CTPS2: variants seen among roughly 807,000 people sequenced by gnomAD.
CTPS2 encodes the protein CTP synthase II.
CTPS2 carries 19 observed loss-of-function variants against 46.8 expected under a neutral mutation model. The ratio of observed to expected loss-of-function variants is 0.41; its 90% CI spans 0.28 to 0.60. CTPS2 has a LOEUF of 0.60. Among genes scored for constraint, CTPS2 ranks in the 20% least tolerant of loss-of-function variants. The pLI, the probability that CTPS2 is intolerant of heterozygous loss-of-function variation, is 0.35. For synonymous variants in CTPS2, 151 were observed against 165.2 expected (o/e 0.91, Z 0.66); for missense variants, 286 against 447.6 (o/e 0.64, Z 3.26).
At chrX:16,641,218 C>T (rs1932063341) in intron 13 of CTPS2, among the ~76,000 whole-genome samples, 1 of 111,901 alleles carries the variant, frequency 8.9e-6, no homozygotes, top group South Asian at 3.7e-4. Context: ...TATTCAGAGC[C>T]TCAACTTCCA....
At chrX:16,661,768 T>C (rs1932960547) in intron 13 of CTPS2, among the ~76,000 whole-genome samples, 1 of 111,284 alleles carries the variant, frequency 9.0e-6, no homozygotes, top group African/African-American at 3.3e-5. Context: ...TCCATTTGCA[T>C]CTCGTTAAAA....
chrX:16,661,785 G>A (rs1050981966), intron 13 of CTPS2, among the ~76,000 whole-genome samples: 2 of 111,019 alleles, frequency 1.8e-5, no homozygotes. Context: ...AAAATGCTTT[G>A]AATTTCTCCC....
chrX:16,676,002 T>C (rs1197231476), intron 10 of CTPS2, among the ~76,000 whole-genome samples: 2 of 112,661 alleles, frequency 1.8e-5, no homozygotes, highest in Non-Finnish European at 3.7e-5. Flanking sequence ...GAGTAAAGTA[T>C]ACTCCTGTGA....
intron 16 of CTPS2, among the ~76,000 whole-genome samples, chrX:16,611,470 C>CA (rs1187358158): frequency 2.2e-5 from 2 of 90,892 alleles, no homozygotes; most frequent in African/African-American, 8.3e-5. Flanking sequence ...AACAAACAAA[C>CA]AAAAAAAACT....
At chrX:16,638,144 A>G (rs1014137218) in intron 14 of CTPS2, among the ~76,000 whole-genome samples, 4 of 108,459 alleles carry the variant, frequency 3.7e-5, no homozygotes, top group Non-Finnish European at 7.6e-5. Context: ...AGTCCCAGCT[A>G]CTCGGGAGGC....
In CTPS2 at chrX:16,656,615, C is replaced by T. The variant is rs145746309; in HGVS notation, c.1296+10899G>A. On this transcript the variant is annotated intron_variant, in intron 13 of 18. Transcript: ENST00000359276. ...GTTTTTAGTAGAGACAGGGTTTCAC[C>T]GTGTTAGCCAGGATGGTCTCGATCT... Among the ~76,000 whole-genome samples the T allele has an allele frequency of 3.9e-4, 43 of 111,339 alleles. No individual in the cohort carries two copies. In the East Asian group the frequency reaches 0.01, roughly 26 times the overall value.
chrX:16,608,225 T>C (rs976790501), intron 17 of CTPS2, among the ~76,000 whole-genome samples: 1 of 110,066 alleles, frequency 9.1e-6, no homozygotes. Context: ...AATAAATAAA[T>C]AAATTAATTT....
At position 16,651,210 on chromosome X, in the gene CTPS2, A is replaced by G. The variant is rs1192686959; in HGVS notation, c.1297-11967T>C. On this transcript the variant is annotated intron_variant, in intron 13 of 18. Transcript: ENST00000359276. The stretch of plus-strand genomic sequence containing the variant: ...GGAGGGGAGGGAGGGAGGGGAGAGG[A>G]CTCCGGTAGAGCCTTATAGGGACCG... The G allele has an allele frequency of 4.1e-6, 4 of 986,346 alleles. No individual in the cohort carries two copies. In the East Asian group the frequency reaches 1.2e-4, roughly 31 times the overall value. 81.3% of individuals were successfully genotyped at this position (986,346 alleles called of 1,213,427 possible).
intron 8 of CTPS2, among the ~76,000 whole-genome samples, chrX:16,683,473 C>G (rs1367252621): frequency 1.8e-5 from 2 of 110,789 alleles, no homozygotes; most frequent in Non-Finnish European, 3.8e-5. Context: ...GTGGGGCATG[C>G]CTACAATCCC....
At chrX:16,605,582 C>T (rs1374416271) in intron 17 of CTPS2, among the ~76,000 whole-genome samples, 3 of 111,468 alleles carry the variant, frequency 2.7e-5, no homozygotes, top group Non-Finnish European at 5.6e-5. Flanking sequence ...ATTAGCTGGG[C>T]ATGGTGGCGG....
At chrX:16,598,336 G>A (rs775807818) in intron 17 of CTPS2, among the ~76,000 whole-genome samples, 1 of 111,262 alleles carries the variant, frequency 9.0e-6, no homozygotes, top group Admixed American at 9.6e-5. Context: ...AAAAAAGAGA[G>A]AAGAATCAAA....
chrX:16,638,064 G>T (rs1931848348), intron 14 of CTPS2, among the ~76,000 whole-genome samples: 1 of 110,160 alleles, frequency 9.1e-6, no homozygotes, highest in Non-Finnish European at 1.9e-5. Context: ...GACCATCCTG[G>T]CTAACACTGT....
intron 4 of CTPS2, among the ~76,000 whole-genome samples, chrX:16,696,355 G>A (rs1924119838): frequency 9.0e-6 from 1 of 111,650 alleles, no homozygotes; most frequent in African/African-American, 3.3e-5. Flanking sequence ...GGGTTATAAC[G>A]GAGAAGGGGT....
intron 14 of CTPS2, among the ~76,000 whole-genome samples, chrX:16,626,001 T>G (rs1426922264): frequency 1.8e-5 from 2 of 111,129 alleles, no homozygotes; most frequent in East Asian, 5.6e-4. Flanking sequence ...GGCTTGAGGG[T>G]CGGGCCTTTG....
chrX:16,680,905 G>A (rs939109756), intron 9 of CTPS2, among the ~76,000 whole-genome samples: 4 of 110,640 alleles, frequency 3.6e-5, no homozygotes, highest in Non-Finnish European at 7.6e-5. Flanking sequence ...TAAAAAATAG[G>A]CCAGGCACGA....
intron 13 of CTPS2, among the ~76,000 whole-genome samples, chrX:16,651,684 G>A (rs896822986): frequency 1.8e-5 from 2 of 112,164 alleles, no homozygotes; most frequent in Non-Finnish European, 1.9e-5. Flanking sequence ...TGAGGCAACC[G>A]TGCATTTCTA....
chrX:16,662,689 C>T (rs1932994606), intron 13 of CTPS2, among the ~76,000 whole-genome samples: 1 of 98,553 alleles, frequency 1.0e-5, no homozygotes. Context: ...ATGATTCTAT[C>T]TCCTTAGTCT....
Position 16,604,565 on chromosome X carries a change from G to T in CTPS2, c.1691+4976C>A, listed in dbSNP as rs772601073. Among the ~76,000 whole-genome samples, 3 of 111,035 alleles carry T rather than the reference G, an allele frequency of 2.7e-5. No homozygotes were observed. In the East Asian group the frequency reaches 8.5e-4, roughly 31 times the overall value. On this transcript the variant is annotated intron_variant, in intron 17 of 18. Transcript: ENST00000359276. ...CCTCAGGCCAGGCACATTGGCCCAT[G>T]CCTGTAATCTCAGCACTTTGGGAGG...
At chrX:16,618,806 T>C (rs1930666319) in intron 15 of CTPS2, among the ~76,000 whole-genome samples, 1 of 112,199 alleles carries the variant, frequency 8.9e-6, no homozygotes, top group Non-Finnish European at 1.9e-5. Context: ...TTGTAAGAGC[T>C]CTTCATATAT....
Sources: allele counts gnomAD v4.1 joint callset (sites outside exome capture counted in the v4.1 genomes callset), GRCh38; gene constraint gnomAD v4.1.1; transcripts MANE v1.5; gene names NCBI Gene and HGNC (gene_info 2026-07-23, HGNC 2026-07-21).